The following EML6 variants were observed in gnomAD, a reference collection of about 807,000 sequenced individuals.
EML6 encodes the protein echinoderm microtubule-associated protein-like 6.
In EML6, 154 loss-of-function variants were observed where a neutral mutation model predicts 240.1. The observed-to-expected ratio is 0.64, with a 90% confidence interval of 0.56 to 0.73. EML6 has a LOEUF of 0.73. EML6 is among the 30% of genes least tolerant of loss of function. EML6 has a pLI of 0.00. For missense variants in EML6, 2,964 were observed against 2,474.6 expected (o/e 1.20, Z -4.20); for synonymous variants, 1,148 against 899.0 (o/e 1.28, Z -4.95).
intron 28 of EML6, among the ~76,000 whole-genome samples, chr2:54,948,278 G>A (rs559224025): frequency 6.6e-6 from 1 of 152,162 alleles, no homozygotes; most frequent in African/African-American, 2.4e-5. Context: ...ATGCAGACCC[G>A]AGTCCTGAGG....
At position 54,903,051 on chromosome 2, in the gene EML6, A is replaced by T. The variant is rs1475646281; in HGVS notation, c.3132A>T (p.Arg1044Ser). 1 of 1,551,332 alleles carries T rather than the reference A, an allele frequency of 6.4e-7. No homozygotes were observed. Among genetic ancestry groups the T allele is most frequent in the South Asian group, 1.2e-5 (1 of 83,888 alleles). Residue 1044 changes from arginine to serine, a missense_variant, in exon 23 of 42, where the codon AGA (arginine) becomes AGT (serine). By Grantham distance (110) the Arg-to-Ser change is moderately radical (BLOSUM62 -1). Coordinates refer to ENST00000356458, the MANE Select transcript of EML6 (RefSeq NM_001039753.4). ...LAVRKLKKGG[R>S]CCAFSPDGKA... ...TTGTGGATTCTTCTGTAGGTGGAAGATGCTGTGCCTTTTCCCCTGATGGGA... is the reference window on the plus strand; with the variant it reads ...TTGTGGATTCTTCTGTAGGTGGAAGTTGCTGTGCCTTTTCCCCTGATGGGA...
At chr2:54,917,757 C>T (rs1674003463) in intron 26 of EML6, among the ~76,000 whole-genome samples, 2 of 152,194 alleles carry the variant, frequency 1.3e-5, no homozygotes, top group South Asian at 4.1e-4. Context: ...CATTTGACTC[C>T]CCGAAGTCTC....
At chr2:54,963,841 G>T in intron 36 of EML6, 145 bp from the exon 37 acceptor site, 1 of 691,358 alleles carries the variant, frequency 1.4e-6, no homozygotes, top group South Asian at 2.0e-5. Flanking sequence ...AGTTATTCAG[G>T]GACATTTACT....
At chr2:54,931,139 A>G (rs1373453840) in intron 28 of EML6, among the ~76,000 whole-genome samples, 2 of 151,564 alleles carry the variant, frequency 1.3e-5, no homozygotes, top group African/African-American at 4.8e-5. Flanking sequence ...TTGTATTTTT[A>G]GTAGAGACGG....
chr2:54,828,117 G>A (rs1668686318), intron 6 of EML6, among the ~76,000 whole-genome samples: 1 of 152,234 alleles, frequency 6.6e-6, no homozygotes, highest in South Asian at 2.1e-4. Context: ...CTGCGATGAA[G>A]TCGCCACAGC....
At position 54,864,502 on chromosome 2, in the gene EML6, G is replaced by A. The variant is rs191045968; in HGVS notation, c.1932+613G>A. 2.1e-3 allele frequency among the ~76,000 whole-genome samples: 318 copies of A among 152,244 alleles called. 5 individuals carry two copies. Among genetic ancestry groups the A allele is most frequent in the Non-Finnish European group, 4.6e-4 (31 of 68,014 alleles). On this transcript the variant is annotated intron_variant, in intron 13 of 41. Coordinates refer to ENST00000356458, the MANE Select transcript of EML6 (RefSeq NM_001039753.4). ...AACAGTGTTAAAGCAATCCCTCAGC[G>A]GAATCTGAACACATACCACCTTGTT...
At chr2:54,790,987 A>G (rs962632702) in intron 2 of EML6, among the ~76,000 whole-genome samples, 1 of 151,996 alleles carries the variant, frequency 6.6e-6, no homozygotes, top group African/African-American at 2.4e-5. Context: ...GGCCTCCCAA[A>G]GTGCTGGAAT....
At position 54,928,537 on chromosome 2, in the gene EML6, G is replaced by A. The variant is rs1558696000; in HGVS notation, c.3877+23G>A. ...GAGGTGAGCCCCCCACCTGCCACAT[G>A]CCTCCTGCGCCGAATGCACCTCCCA... On this transcript the variant is annotated intron_variant, in intron 27 of 41. Transcript: ENST00000356458. The A allele has an allele frequency of 3.9e-6, 6 of 1,545,196 alleles. No homozygotes were observed. The Admixed American group carries it at 1.2e-4, about 30-fold the overall frequency.
At chr2:54,826,523 C>T (rs145980762) in intron 5 of EML6, among the ~76,000 whole-genome samples, 4,459 of 152,230 alleles carry the variant, frequency 0.029, 224 homozygotes, top group East Asian at 0.25. Flanking sequence ...TCGCTTGAAC[C>T]CAGGAGGCAG....
intron 2 of EML6, among the ~76,000 whole-genome samples, chr2:54,791,862 C>G (rs1005318619): frequency 1.3e-5 from 2 of 152,156 alleles, no homozygotes; most frequent in Non-Finnish European, 2.9e-5. Flanking sequence ...TTCTTCATAT[C>G]TGTAAACTGA....
intron 28 of EML6, among the ~76,000 whole-genome samples, chr2:54,938,006 A>G (rs1358239462): frequency 6.6e-6 from 1 of 152,204 alleles, no homozygotes; most frequent in African/African-American, 2.4e-5. Context: ...TCGTCCTCAC[A>G]GGACAGTGAT....
intron 28 of EML6, among the ~76,000 whole-genome samples, chr2:54,938,317 A>G (rs1675256230): frequency 6.6e-6 from 1 of 152,156 alleles, no homozygotes; most frequent in South Asian, 2.1e-4. Context: ...AAAAAAAGTT[A>G]GATGAAGTTT....
chr2:54,936,968 CTTTTTTTTTT>C (rs141307785), intron 28 of EML6, among the ~76,000 whole-genome samples: 2 of 132,636 alleles, frequency 1.5e-5, no homozygotes, highest in South Asian at 4.8e-4. Context: ...TCATGTCTCT[CTTTTTTTTTT>C]TTTTTTTTTT....
chr2:54,731,651 T>C lies in EML6; in HGVS notation c.197+6393T>C, dbSNP rs115569580. ...ATATATATATGACTGTGTTTTGTTT[T>C]GGAAAATGTGGTTGCCACATAATGG... On this transcript the variant is annotated intron_variant, in intron 2 of 41. Transcript: ENST00000356458. 9.6e-3 allele frequency among the ~76,000 whole-genome samples: 1,467 copies of C among 152,244 alleles called. 17 individuals carry two copies. The highest frequency in any genetic ancestry group is 0.033 in the African/African-American group (1,390 of 41,530).
intron 3 of EML6, among the ~76,000 whole-genome samples, chr2:54,815,980 C>G (rs986198336): frequency 6.6e-6 from 1 of 152,128 alleles, no homozygotes; most frequent in African/African-American, 2.4e-5. Context: ...ATTTTTTATA[C>G]CCATTGTACA....
intron 26 of EML6, among the ~76,000 whole-genome samples, chr2:54,927,740 C>T (rs915220973): frequency 6.6e-6 from 1 of 152,178 alleles, no homozygotes; most frequent in Admixed American, 6.5e-5. Flanking sequence ...ATGTATTTGG[C>T]TATGTTTGTT....
intron 28 of EML6, among the ~76,000 whole-genome samples, chr2:54,929,716 TCCTC>T (rs1674754647): frequency 6.6e-6 from 1 of 151,792 alleles, no homozygotes; most frequent in African/African-American, 2.4e-5. Flanking sequence ...CTCCTCCTCC[TCCTC>T]CTCCTCCTGC....
At chr2:54,870,762 G>A (rs1165643169) in intron 15 of EML6, among the ~76,000 whole-genome samples, 8 of 152,080 alleles carry the variant, frequency 5.3e-5, no homozygotes. Context: ...TAAACCAGTG[G>A]CAAACAGTAT....
intron 22 of EML6, 61 bp downstream of exon 22, chr2:54,899,843 T>G (rs1227448972): frequency 1.4e-6 from 2 of 1,470,286 alleles, no homozygotes; most frequent in Non-Finnish European, 1.8e-6. Flanking sequence ...TGTGTCATAT[T>G]TATTCACTCA....
Sources: allele counts gnomAD v4.1 joint callset (sites outside exome capture counted in the v4.1 genomes callset), GRCh38; gene constraint gnomAD v4.1.1; transcripts MANE v1.5; gene names NCBI Gene and HGNC (gene_info 2026-07-23, HGNC 2026-07-21).